The following KLHL6 variants were observed in gnomAD, a reference collection of about 807,000 sequenced individuals.
The protein encoded by KLHL6 is kelch-like protein 6.
KLHL6 carries 41 observed loss-of-function variants against 58.6 expected under a neutral mutation model. The ratio of observed to expected loss-of-function variants is 0.70; its 90% CI spans 0.55 to 0.91. The LOEUF (loss-of-function observed/expected upper bound fraction) is 0.91. Ranked by LOEUF, KLHL6 falls within the 40% of genes least tolerant of loss-of-function variation. The pLI, the probability that KLHL6 is intolerant of heterozygous loss-of-function variation, is 0.00. For synonymous variants in KLHL6, 338 were observed against 322.7 expected (o/e 1.05, Z -0.51); for missense variants, 714 against 805.6 (o/e 0.89, Z 1.38).
intron 1 of KLHL6, among the ~76,000 whole-genome samples, chr3:183,550,784 C>T (rs1443142114): frequency 1.3e-5 from 2 of 151,958 alleles, no homozygotes; most frequent in African/African-American, 4.8e-5. Flanking sequence ...GACCAAGACC[C>T]TGTCTCAAAA....
chr3:183,536,393 C>G (rs1390921814), intron 1 of KLHL6, among the ~76,000 whole-genome samples: 2 of 152,230 alleles, frequency 1.3e-5, no homozygotes, highest in African/African-American at 4.8e-5. Context: ...TCCAGCACAT[C>G]TGGCTTTGTG....
Position 183,488,352 on chromosome 3 carries a change from G to A in KLHL6, c.*3575C>T, listed in dbSNP as rs773351382. On this transcript the variant is annotated 3_prime_UTR_variant, in exon 7 of 7. Coordinates refer to ENST00000341319, the MANE Select transcript of KLHL6 (RefSeq NM_130446.4). ...CTAACTTGTGCCTCTGCTCTAAGAAGGGGATTCCTTCCTTAGTTCCTTGCC... is the reference window on the plus strand; with the variant it reads ...CTAACTTGTGCCTCTGCTCTAAGAAAGGGATTCCTTCCTTAGTTCCTTGCC... The A allele has an allele frequency of 6.6e-5, 10 of 152,248 alleles. No homozygotes were observed. Among genetic ancestry groups the A allele is most frequent in the Admixed American group, 2.0e-4 (3 of 15,274 alleles). 9.4% of individuals were successfully genotyped at this position (152,248 alleles called of 1,614,324 possible). A position where few individuals can be genotyped will look rare whatever the true frequency, so the allele number is the denominator to read the frequency against.
At chr3:183,497,136 G>A (rs1717734975) in intron 4 of KLHL6, among the ~76,000 whole-genome samples, 1 of 152,150 alleles carries the variant, frequency 6.6e-6, no homozygotes, top group Non-Finnish European at 1.5e-5. Context: ...AATTAACCAG[G>A]CATGGTGGTG....
At chr3:183,523,709 T>TC (rs201584265) in intron 2 of KLHL6, among the ~76,000 whole-genome samples, 67,677 of 151,790 alleles carry the variant, frequency 0.45, 17,274 homozygotes, top group Non-Finnish European at 0.58. Context: ...TTTGTTTTTT[T>TC]TCCATAAGTT....
intron 1 of KLHL6, among the ~76,000 whole-genome samples, chr3:183,536,781 C>A (rs187819563): frequency 5.9e-5 from 9 of 152,324 alleles, no homozygotes; most frequent in Non-Finnish European, 1.2e-4. Context: ...CACTGACTCA[C>A]AACCCTTATC....
At chr3:183,543,463 G>A (rs1172693507) in intron 1 of KLHL6, among the ~76,000 whole-genome samples, 3 of 152,130 alleles carry the variant, frequency 2.0e-5, no homozygotes, top group Non-Finnish European at 2.9e-5. Context: ...GACAGACATC[G>A]TCTGCCAACC....
At chr3:183,498,791 C>T (rs995856472) in intron 4 of KLHL6, among the ~76,000 whole-genome samples, 1 of 152,160 alleles carries the variant, frequency 6.6e-6, no homozygotes, top group Non-Finnish European at 1.5e-5. Flanking sequence ...ATGGGAAAGG[C>T]AGACACAAAG....
Position 183,499,345 on chromosome 3 carries a change from CA to C in KLHL6, c.1147+244del, listed in dbSNP as rs142652539. ...TGAGCAACAGAGCGAGACGCTGTCTCAAAAAAAAAAGAAAAGAAAAGAAAAG... is the reference window on the plus strand; with the variant it reads ...TGAGCAACAGAGCGAGACGCTGTCTCAAAAAAAAAGAAAAGAAAAGAAAAG... On this transcript the variant is annotated intron_variant, in intron 4 of 6. Transcript: ENST00000341319. The surrounding 1 kb of genome is among the most constrained non-coding windows in gnomAD (Gnocchi z 4.6). Among the ~76,000 whole-genome samples, 396 of 145,828 alleles carry C rather than the reference CA, an allele frequency of 2.7e-3. 3 individuals are homozygous for C. Among genetic ancestry groups the C allele is most frequent in the African/African-American group, 8.9e-3 (345 of 38,866 alleles).
In KLHL6 at chr3:183,488,239, A is replaced by C. The variant is rs897373275; in HGVS notation, c.*3688T>G. On this transcript the variant is annotated 3_prime_UTR_variant, in exon 7 of 7. Coordinates refer to ENST00000341319, the MANE Select transcript of KLHL6 (RefSeq NM_130446.4). ...ATCTACAGATTCCGCTCCACCAAAGACTCTGGGCCACCTTCCCTCTAGGAC... is the reference window on the plus strand; with the variant it reads ...ATCTACAGATTCCGCTCCACCAAAGCCTCTGGGCCACCTTCCCTCTAGGAC... 8 of 152,108 alleles carry C rather than the reference A, an allele frequency of 5.3e-5. No homozygotes were observed. The highest frequency in any genetic ancestry group is 8.8e-5 in the Non-Finnish European group (6 of 68,058). 9.4% of individuals were successfully genotyped at this position (152,108 alleles called of 1,614,324 possible). A position where few individuals can be genotyped will look rare whatever the true frequency, so the allele number is the denominator to read the frequency against.
intron 1 of KLHL6, among the ~76,000 whole-genome samples, chr3:183,539,663 C>T (rs1209526955): frequency 6.6e-6 from 1 of 150,830 alleles, no homozygotes; most frequent in African/African-American, 2.5e-5. Flanking sequence ...GAGACAAGGT[C>T]GCACTACTGC....
At chr3:183,549,985 G>T (rs1712854876) in intron 1 of KLHL6, among the ~76,000 whole-genome samples, 1 of 151,522 alleles carries the variant, frequency 6.6e-6, no homozygotes, top group African/African-American at 2.4e-5. Flanking sequence ...AAAACAAACA[G>T]TAAAAAACAA....
At chr3:183,544,749 AACAC>A (rs36060782) in intron 1 of KLHL6, 6,132 of 114,726 alleles carry the variant, frequency 0.053, 168 homozygotes, top group East Asian at 0.098. Flanking sequence ...CTGTCTCTCA[AACAC>A]ACACACACAC....
Position 183,491,970 on chromosome 3 carries a change from T to C in KLHL6, c.1823A>G (p.Tyr608Cys). 6.4e-7 allele frequency: 1 copy of C among 1,563,144 alleles called. No individual in the cohort carries two copies. The change falls in exon 7 of 7, where the codon TAC becomes TGC. Residue 608 changes from tyrosine to cysteine, a missense_variant. This residue lies in a region of KLHL6 where 510 missense variants were observed against 629.7 expected (regional missense o/e 0.81). Transcript: ENST00000341319. Reference protein sequence around the residue: ...HHGSVTIRKSYTHIRRIVPGA... With the variant: ...HHGSVTIRKSCTHIRRIVPGA... ...GGGCACGATCCTGCGGATGTGGGTG[T>C]ACGACTTCCTGATGGTGACGCTGCC...
Position 183,488,838 on chromosome 3 carries a change from T to C in KLHL6, c.*3089A>G, listed in dbSNP as rs1717468026. 6.6e-6 allele frequency: 1 copy of C among 152,232 alleles called. No homozygotes were observed. Among genetic ancestry groups the C allele is most frequent in the African/African-American group, 2.4e-5 (1 of 41,470 alleles). The allele number at this position is 152,232 out of a possible 1,614,324, so 9.4% of individuals were successfully genotyped here. A position where few individuals can be genotyped will look rare whatever the true frequency, so the allele number is the denominator to read the frequency against. On this transcript the variant is annotated 3_prime_UTR_variant, in exon 7 of 7. Transcript: ENST00000341319. ...CTCGAAGAGCTACAGACTGGCAGCT[T>C]CATATACAGAACCCTAGACCTTCTA... is the stretch of plus-strand genomic sequence containing the variant.
rs938357833 is a variant in KLHL6, at chr3:183,487,552, C to G, written c.*4375G>C. ...ATGATTGTATATAACACATTTGCAT[C>G]TGTTCTGTGCATATTTTATTGAATA... is the stretch of plus-strand genomic sequence containing the variant. On this transcript the variant is annotated 3_prime_UTR_variant, in exon 7 of 7. Coordinates refer to ENST00000341319, the MANE Select transcript of KLHL6 (RefSeq NM_130446.4). 1 of 147,976 alleles carries G rather than the reference C, an allele frequency of 6.8e-6. No individual in the cohort carries two copies. Among genetic ancestry groups the G allele is most frequent in the Admixed American group, 6.7e-5 (1 of 14,844 alleles). The allele number at this position is 147,976 out of a possible 1,614,324, so 9.2% of individuals were successfully genotyped here. A position where few individuals can be genotyped will look rare whatever the true frequency, so the allele number is the denominator to read the frequency against.
chr3:183,512,005 C>G (rs1718201975), intron 2 of KLHL6, among the ~76,000 whole-genome samples: 1 of 152,248 alleles, frequency 6.6e-6, no homozygotes, highest in Non-Finnish European at 1.5e-5. Flanking sequence ...CAGCTCTGCT[C>G]TTTGCATGAG....
At chr3:183,552,614 G>A (rs1973737) in intron 1 of KLHL6, among the ~76,000 whole-genome samples, 22,694 of 151,382 alleles carry the variant, frequency 0.15, 2,991 homozygotes, top group African/African-American at 0.36. Context: ...GCTACTCAGG[G>A]GGCTGAGGCA....
intron 1 of KLHL6, among the ~76,000 whole-genome samples, chr3:183,554,969 A>G (rs113056054): frequency 1.2e-3 from 177 of 152,236 alleles, no homozygotes; most frequent in African/African-American, 3.9e-3. Context: ...GTTCAAGACC[A>G]ACCTGACCAA....
intron 2 of KLHL6, among the ~76,000 whole-genome samples, chr3:183,517,929 A>G (rs1388973327): frequency 2.6e-5 from 4 of 152,194 alleles, no homozygotes. Context: ...AGCAGAAGAC[A>G]AGTGCTGAGA....
Sources: allele counts gnomAD v4.1 joint callset (sites outside exome capture counted in the v4.1 genomes callset), GRCh38; gene constraint gnomAD v4.1.1; regional missense constraint gnomAD v4.1.1; non-coding constraint Gnocchi (gnomAD v3.1); transcripts MANE v1.5; gene names NCBI Gene and HGNC (gene_info 2026-07-23, HGNC 2026-07-21).